The following CLASP1 variants were observed in gnomAD, a reference collection of about 807,000 sequenced individuals.
The protein encoded by CLASP1 is cytoplasmic linker associated protein 1.
Under a neutral mutation model 192.3 loss-of-function variants are expected in CLASP1, and 38 were observed. The ratio of observed to expected loss-of-function variants is 0.20; its 90% CI spans 0.15 to 0.26. The LOEUF (loss-of-function observed/expected upper bound fraction) is 0.26, where lower values mean the gene tolerates loss of function less well. Among genes scored for constraint, CLASP1 ranks in the 10% least tolerant of loss-of-function variants. The pLI, the probability that CLASP1 is intolerant of heterozygous loss-of-function variation, is 1.00. For synonymous variants in CLASP1, 691 were observed against 712.8 expected (o/e 0.97, Z 0.49); for missense variants, 1,433 against 1,932.5 (o/e 0.74, Z 4.85).
chr2:121,543,569 G>C (rs2164797), intron 2 of CLASP1, among the ~76,000 whole-genome samples: 44,916 of 151,760 alleles, frequency 0.3, 10,516 homozygotes, highest in African/African-American at 0.65. Flanking sequence ...AGCCCCCAGC[G>C]CGCCAACAGG....
At chr2:121,513,160 G>T (rs1191197334) in intron 7 of CLASP1, 1 of 152,202 alleles carries the variant, frequency 6.6e-6, no homozygotes, top group East Asian at 1.9e-4. Flanking sequence ...CAGAGTTCTA[G>T]ATCTTAGGTA....
intron 39 of CLASP1, among the ~76,000 whole-genome samples, chr2:121,344,771 C>A (rs2063234845): frequency 6.6e-6 from 1 of 152,178 alleles, no homozygotes; most frequent in African/African-American, 2.4e-5. Context: ...TGCCTGCCAG[C>A]TACCATCTGG....
At chr2:121,343,962 T>C (rs1018992314) in intron 39 of CLASP1, among the ~76,000 whole-genome samples, 4 of 152,078 alleles carry the variant, frequency 2.6e-5, no homozygotes, top group Admixed American at 6.5e-5. Flanking sequence ...TCCCAGCTAC[T>C]CAGGAGGCTG....
exon 6 of CLASP1, chr2:121,525,907 T>C (rs1219677651): frequency 1.2e-6 from 2 of 1,613,038 alleles, no homozygotes; most frequent in African/African-American, 1.3e-5. Context: ...AGTGTTAAAG[T>C]CTGTGCTCCA....
chr2:121,555,510 G>T (rs1177197906), intron 2 of CLASP1, among the ~76,000 whole-genome samples: 1 of 152,154 alleles, frequency 6.6e-6, no homozygotes, highest in Non-Finnish European at 1.5e-5. Context: ...TTTTGAGGAG[G>T]AGGATGGAGG....
chr2:121,599,032 CTT>C (rs1559729280), intron 2 of CLASP1, among the ~76,000 whole-genome samples: 1 of 151,630 alleles, frequency 6.6e-6, no homozygotes, highest in African/African-American at 2.4e-5. Flanking sequence ...GCCCGGCTGA[CTT>C]TTGTATTTTT....
intron 34 of CLASP1, among the ~76,000 whole-genome samples, chr2:121,376,818 T>C (rs898005245): frequency 1.3e-4 from 20 of 152,294 alleles, no homozygotes; most frequent in African/African-American, 4.6e-4. Flanking sequence ...AACTCTATTA[T>C]GAACTGTGCA....
intron 2 of CLASP1, among the ~76,000 whole-genome samples, chr2:121,580,402 A>G (rs1041872019): frequency 6.6e-6 from 1 of 152,214 alleles, no homozygotes; most frequent in African/African-American, 2.4e-5. Flanking sequence ...GCCTATTGCG[A>G]GGTATTTTAA....
chr2:121,350,440 G>C (rs576538675), intron 37 of CLASP1, among the ~76,000 whole-genome samples: 1 of 152,296 alleles, frequency 6.6e-6, no homozygotes, highest in East Asian at 1.9e-4. Flanking sequence ...GCCCAGGGCT[G>C]GGCTCAGAGG....
chr2:121,425,271 C>T, exon 22 of CLASP1: 2 of 1,612,462 alleles, frequency 1.2e-6, no homozygotes, highest in Non-Finnish European at 1.7e-6. Flanking sequence ...TAACCACTTC[C>T]CAACAATTTT....
At chr2:121,504,637 C>A (rs1372850974) in intron 7 of CLASP1, among the ~76,000 whole-genome samples, 1 of 152,112 alleles carries the variant, frequency 6.6e-6, no homozygotes. Context: ...CATTATGTGC[C>A]CAACACCGAG....
intron 2 of CLASP1, among the ~76,000 whole-genome samples, chr2:121,535,489 A>G (rs886431368): frequency 6.6e-6 from 1 of 152,220 alleles, no homozygotes; most frequent in Admixed American, 6.5e-5. Context: ...CAGGAAACTA[A>G]GTCTGCAGAA....
intron 2 of CLASP1, among the ~76,000 whole-genome samples, chr2:121,596,012 T>G (rs1460185659): frequency 6.6e-6 from 1 of 152,204 alleles, no homozygotes; most frequent in African/African-American, 2.4e-5. Flanking sequence ...TGCTCAAATA[T>G]ATGAGTGGCA....
At chr2:121,465,432 A>T (rs2089339659) in intron 9 of CLASP1, among the ~76,000 whole-genome samples, 1 of 152,218 alleles carries the variant, frequency 6.6e-6, no homozygotes, top group Non-Finnish European at 1.5e-5. Context: ...TGCTTCAAAG[A>T]TAATAAAATA....
intron 8 of CLASP1, among the ~76,000 whole-genome samples, chr2:121,473,617 G>T (rs1400239004): frequency 6.6e-6 from 1 of 152,088 alleles, no homozygotes; most frequent in Admixed American, 6.5e-5. Flanking sequence ...TAAACCTACA[G>T]ATCCAAGAAG....
intron 16 of CLASP1, among the ~76,000 whole-genome samples, chr2:121,450,609 G>A (rs1374333084): frequency 4.6e-5 from 7 of 152,168 alleles, no homozygotes; most frequent in Admixed American, 4.6e-4. Flanking sequence ...ATTACAATAT[G>A]GCTTAATGAG....
intron 2 of CLASP1, among the ~76,000 whole-genome samples, chr2:121,551,309 C>G (rs1226886498): frequency 6.6e-6 from 1 of 152,174 alleles, no homozygotes; most frequent in Non-Finnish European, 1.5e-5. Flanking sequence ...GATGCTCACT[C>G]TTACCACTCC....
At chr2:121,635,243 A>G (rs1188364165) in intron 1 of CLASP1, among the ~76,000 whole-genome samples, 2 of 151,968 alleles carry the variant, frequency 1.3e-5, no homozygotes, top group Non-Finnish European at 2.9e-5. Flanking sequence ...AAAAGAAAAG[A>G]AAGAAAATGA....
intron 26 of CLASP1, among the ~76,000 whole-genome samples, chr2:121,403,181 G>GA (rs1321834864): frequency 1.3e-5 from 2 of 152,170 alleles, no homozygotes; most frequent in Non-Finnish European, 2.9e-5. Context: ...GGTCACAGCA[G>GA]AAAGTTTAAA....
Sources: allele counts gnomAD v4.1 joint callset (sites outside exome capture counted in the v4.1 genomes callset), GRCh38; gene constraint gnomAD v4.1.1; transcripts MANE v1.5; gene names NCBI Gene and HGNC (gene_info 2026-07-23, HGNC 2026-07-21).